Variants in PLCB4 observed in about 807,000 individuals in gnomAD.
PLCB4 encodes 1-phosphatidylinositol 4,5-bisphosphate phosphodiesterase beta-4.
Under a neutral mutation model 178.8 loss-of-function variants are expected in PLCB4, and 77 were observed. That is an observed-to-expected ratio of 0.43 (90% CI 0.36 to 0.52). The LOEUF (loss-of-function observed/expected upper bound fraction) is 0.52. Ranked by LOEUF, PLCB4 falls within the 20% of genes least tolerant of loss-of-function variation. The probability of loss-of-function intolerance (pLI) is 0.00; values close to 1 mark genes in which losing one functional copy is unlikely to be tolerated. For missense variants in PLCB4, 1,024 were observed against 1,453.4 expected, an observed-to-expected ratio of 0.70 and a Z score of 4.80; for synonymous variants, 496 against 490.8, an observed-to-expected ratio of 1.01 and a Z score of -0.14.
chr20:9,125,856 G>A lies in PLCB4; in HGVS notation c.-79+29514G>A, dbSNP rs375586161. Among the ~76,000 whole-genome samples, 7 of 152,118 alleles carry A rather than the reference G, an allele frequency of 4.6e-5. No homozygotes were observed. The East Asian group carries it at 7.7e-4, about 17-fold the overall frequency. On this transcript the variant is annotated intron_variant, in intron 2 of 39. Coordinates refer to ENST00000378473, the MANE Select transcript of PLCB4 (RefSeq NM_001377142.1). ...CTACTATGTGCCAGGCACAATGTGA[G>A]GCAATAGGGACATGACAGTGACCAG... is the stretch of plus-strand genomic sequence containing the variant.
intron 3 of PLCB4, among the ~76,000 whole-genome samples, chr20:9,236,742 C>T (rs1386545687): frequency 6.6e-6 from 1 of 152,174 alleles, no homozygotes; most frequent in African/African-American, 2.4e-5. Context: ...ACGTGAGTTT[C>T]TATGGAAACT....
intron 3 of PLCB4, among the ~76,000 whole-genome samples, chr20:9,301,568 G>T (rs1164466422): frequency 6.6e-6 from 1 of 152,020 alleles, no homozygotes; most frequent in Non-Finnish European, 1.5e-5. Flanking sequence ...GACAGAGTAG[G>T]CCAAGAAAAC....
intron 7 of PLCB4, among the ~76,000 whole-genome samples, chr20:9,341,301 T>C (rs899622750): frequency 6.6e-6 from 1 of 152,084 alleles, no homozygotes; most frequent in Non-Finnish European, 1.5e-5. Flanking sequence ...CCCTGTGCAG[T>C]CGAAAATCCA....
At chr20:9,172,294 TA>T (rs2093077034) in intron 2 of PLCB4, among the ~76,000 whole-genome samples, 1 of 152,158 alleles carries the variant, frequency 6.6e-6, no homozygotes. Flanking sequence ...GATTCCATAA[TA>T]AGAGAGAAGT....
intron 23 of PLCB4, 33 bp downstream of exon 23, chr20:9,408,750 G>T: frequency 8.6e-7 from 1 of 1,157,416 alleles, no homozygotes; most frequent in South Asian, 1.2e-5. Context: ...ATGAGTGGTT[G>T]ACTCACGTTG....
intron 2 of PLCB4, among the ~76,000 whole-genome samples, chr20:9,110,788 G>A (rs1053021758): frequency 5.9e-5 from 9 of 152,246 alleles, no homozygotes; most frequent in African/African-American, 2.2e-4. Context: ...AAGATGAACA[G>A]TGTAGCCCTT....
At chr20:9,268,952 G>A (rs569552565) in intron 3 of PLCB4, among the ~76,000 whole-genome samples, 39 of 152,202 alleles carry the variant, frequency 2.6e-4, no homozygotes, top group Non-Finnish European at 5.6e-4. Flanking sequence ...CACCTACCTT[G>A]CCCAAAAGGC....
intron 3 of PLCB4, among the ~76,000 whole-genome samples, chr20:9,227,465 G>A (rs370229108): frequency 1.1e-4 from 16 of 151,978 alleles, no homozygotes; most frequent in African/African-American, 3.6e-4. Context: ...ATGATTTTTA[G>A]CCCTTATATT....
chr20:9,140,610 G>A (rs559150126), intron 2 of PLCB4, among the ~76,000 whole-genome samples: 7 of 151,984 alleles, frequency 4.6e-5, no homozygotes, highest in South Asian at 2.1e-4. Flanking sequence ...TGCCCTCCCC[G>A]TAGTAATGAG....
chr20:9,149,241 C>T (rs887921195), intron 2 of PLCB4, among the ~76,000 whole-genome samples: 11 of 152,264 alleles, frequency 7.2e-5, no homozygotes, highest in South Asian at 4.1e-4. Context: ...CTGATCTCCA[C>T]GGCTGTTGCC....
chr20:9,101,488 T>C (rs576393362), intron 2 of PLCB4, among the ~76,000 whole-genome samples: 63 of 152,278 alleles, frequency 4.1e-4, no homozygotes, highest in Non-Finnish European at 7.2e-4. Flanking sequence ...CAATGAAAGA[T>C]GGAGCATAAA....
At chr20:9,391,322 G>C (rs527585632) in intron 17 of PLCB4, among the ~76,000 whole-genome samples, 2 of 152,012 alleles carry the variant, frequency 1.3e-5, no homozygotes, top group East Asian at 3.9e-4. Context: ...TTTTTATAAG[G>C]ATCCATGACC....
At chr20:9,192,643 C>G (rs1382212111) in intron 2 of PLCB4, among the ~76,000 whole-genome samples, 1 of 148,762 alleles carries the variant, frequency 6.7e-6, no homozygotes, top group East Asian at 2.0e-4. Context: ...GAGGCCCTGT[C>G]TCTACAAAAA....
intron 9 of PLCB4, among the ~76,000 whole-genome samples, chr20:9,366,865 A>T (rs2035829211): frequency 1.3e-5 from 2 of 152,226 alleles, no homozygotes; most frequent in South Asian, 4.1e-4. Context: ...TTTAGCAAAT[A>T]CGCAAATCAA....
chr20:9,271,889 T>A (rs1362236805), intron 3 of PLCB4, among the ~76,000 whole-genome samples: 1 of 151,870 alleles, frequency 6.6e-6, no homozygotes, highest in African/African-American at 2.4e-5. Flanking sequence ...TAAGAAGGCA[T>A]CATGGGGCTG....
intron 2 of PLCB4, among the ~76,000 whole-genome samples, chr20:9,097,733 G>A (rs537443439): frequency 1.3e-5 from 2 of 152,186 alleles, no homozygotes; most frequent in East Asian, 1.9e-4. Context: ...CCTGGGAATG[G>A]CTTGGTTCTC....
At chr20:9,375,404 C>T (rs1437175050) in intron 12 of PLCB4, among the ~76,000 whole-genome samples, 1 of 152,114 alleles carries the variant, frequency 6.6e-6, no homozygotes, top group Admixed American at 6.6e-5. Flanking sequence ...ATGCCTTAGC[C>T]ACATAGTCTC....
At chr20:9,386,824 A>G (rs1283825564) in intron 14 of PLCB4, among the ~76,000 whole-genome samples, 2 of 89,810 alleles carry the variant, frequency 2.2e-5, no homozygotes, top group Non-Finnish European at 4.0e-5. Flanking sequence ...CCCACCCCAC[A>G]ACAGTCCCAT....
chr20:9,460,486 A>G (rs1387583881), intron 35 of PLCB4, among the ~76,000 whole-genome samples: 2 of 152,228 alleles, frequency 1.3e-5, no homozygotes, highest in East Asian at 3.8e-4. Flanking sequence ...AAGCCTGATT[A>G]AAAAACAGCA....
Sources: allele counts gnomAD v4.1 joint callset (sites outside exome capture counted in the v4.1 genomes callset), GRCh38; gene constraint gnomAD v4.1.1; transcripts MANE v1.5; gene names NCBI Gene and HGNC (gene_info 2026-07-23, HGNC 2026-07-21).